Variants in SAMMSON observed in about 807,000 individuals in gnomAD.
SAMMSON encodes long intergenic non-protein coding RNA 1212.
chr3:70,348,345 A>T (rs1702767962), intron 7 of SAMMSON, among the ~76,000 whole-genome samples: 2 of 152,180 alleles, frequency 1.3e-5, no homozygotes, highest in Admixed American at 6.5e-5. Flanking sequence ...AACTACACAG[A>T]CTTAGCTTAA....
intron 4 of SAMMSON, among the ~76,000 whole-genome samples, chr3:70,128,411 C>T (rs1033005997): frequency 6.6e-6 from 1 of 152,132 alleles, no homozygotes; most frequent in South Asian, 2.1e-4. Context: ...ACTTCACAGA[C>T]CCTGCTTGGA....
chr3:70,047,227 G>T (rs1360239568), intron 3 of SAMMSON, among the ~76,000 whole-genome samples: 2 of 151,924 alleles, frequency 1.3e-5, no homozygotes, highest in Admixed American at 6.6e-5. Context: ...TTGGGCTAAC[G>T]AATGAATGAA....
At chr3:70,183,635 TAC>T (rs1289428451) in intron 4 of SAMMSON, 13 of 152,316 alleles carry the variant, frequency 8.5e-5, no homozygotes, top group Admixed American at 3.9e-4. Context: ...TCTGAACAAA[TAC>T]AGTGTCCCCT....
At chr3:70,378,939 G>A (rs1703042652) in intron 9 of SAMMSON, among the ~76,000 whole-genome samples, 1 of 151,870 alleles carries the variant, frequency 6.6e-6, no homozygotes, top group Non-Finnish European at 1.5e-5. Flanking sequence ...TTTAGGATAA[G>A]TATAAGTATG....
At chr3:70,200,297 C>A (rs949459285) in intron 4 of SAMMSON, among the ~76,000 whole-genome samples, 1 of 152,174 alleles carries the variant, frequency 6.6e-6, no homozygotes, top group African/African-American at 2.4e-5. Context: ...ACAACTCACT[C>A]TCCCCTTAGA....
chr3:70,288,495 G>C (rs1310720209), intron 6 of SAMMSON, among the ~76,000 whole-genome samples: 1 of 150,606 alleles, frequency 6.6e-6, no homozygotes, highest in Non-Finnish European at 1.5e-5. Context: ...GGTCAATTTT[G>C]GAATAGGTGT....
intron 7 of SAMMSON, among the ~76,000 whole-genome samples, chr3:70,347,203 T>A (rs984143859): frequency 1.3e-5 from 2 of 152,216 alleles, no homozygotes; most frequent in African/African-American, 4.8e-5. Flanking sequence ...CTATAAGCAG[T>A]GGCAAGTACA....
chr3:70,013,335 A>G (rs1161241340), intron 2 of SAMMSON, among the ~76,000 whole-genome samples: 1 of 152,136 alleles, frequency 6.6e-6, no homozygotes, highest in East Asian at 1.9e-4. Context: ...AAAGGTTGTT[A>G]TGAGGAGTAA....
At chr3:70,421,426 G>C (rs961657885) in intron 2 of SAMMSON, among the ~76,000 whole-genome samples, 1 of 151,980 alleles carries the variant, frequency 6.6e-6, no homozygotes, top group Non-Finnish European at 1.5e-5. Context: ...AATTGATATA[G>C]AAAAGCTAGA....
At chr3:70,343,990 T>G (rs1228470767) in intron 7 of SAMMSON, among the ~76,000 whole-genome samples, 1 of 151,880 alleles carries the variant, frequency 6.6e-6, no homozygotes, top group Non-Finnish European at 1.5e-5. Context: ...GCTTTTTCAG[T>G]TGGTTCCCAT....
chr3:70,180,006 G>A lies in SAMMSON; in HGVS notation n.508-69101G>A, dbSNP rs1291613684. ...TTATTATTTTACCTGTGCTTCGTAT[G>A]TGTGTGTGTGTGTGTGTGTGTGCGC... On this transcript the variant is annotated intron_variant and non_coding_transcript_variant, in intron 4 of 9. Transcript: ENST00000642114. 7.4e-4 allele frequency among the ~76,000 whole-genome samples: 4 copies of A among 5,442 alleles called. No homozygotes were observed. In the African/African-American group the frequency reaches 0.011, roughly 16 times the overall value. The allele number at this position is 5,442 out of a possible 152,430, so 3.6% of individuals were successfully genotyped here. A position where few individuals can be genotyped will look rare whatever the true frequency, so the allele number is the denominator to read the frequency against.
At chr3:70,030,623 A>G (rs920006950) in intron 3 of SAMMSON, 73 of 152,310 alleles carry the variant, frequency 4.8e-4, no homozygotes, top group African/African-American at 1.6e-3. Context: ...AATGAACTCC[A>G]TAGGTCTGTA....
At chr3:70,199,192 G>T (rs1390810727) in intron 4 of SAMMSON, among the ~76,000 whole-genome samples, 1 of 152,182 alleles carries the variant, frequency 6.6e-6, no homozygotes, top group Non-Finnish European at 1.5e-5. Context: ...GGGTGGGAAT[G>T]CAGGTGACCT....
chr3:70,145,867 A>T lies in SAMMSON; in HGVS notation n.507+74302A>T, dbSNP rs185165133. Among the ~76,000 whole-genome samples the T allele has an allele frequency of 9.6e-3, 1,459 of 152,056 alleles. 17 individuals are homozygous for T. Among genetic ancestry groups the T allele is most frequent in the African/African-American group, 0.033 (1,369 of 41,560 alleles). On this transcript the variant is annotated intron_variant and non_coding_transcript_variant, in intron 4 of 9. Coordinates refer to ENST00000642114, the Ensembl canonical transcript of SAMMSON. The stretch of plus-strand genomic sequence containing the variant: ...AAGATAGGAGAAATCAATGAAATTT[A>T]AAAAATAGAAATAAAATTAAAAAAT...
chr3:70,096,744 A>G (rs138305955), intron 4 of SAMMSON, among the ~76,000 whole-genome samples: 21 of 152,300 alleles, frequency 1.4e-4, no homozygotes, highest in Admixed American at 3.3e-4. Flanking sequence ...TAATTAGTTA[A>G]TTAACAGCAA....
chr3:70,095,347 C>T (rs2067319425), intron 4 of SAMMSON, among the ~76,000 whole-genome samples: 1 of 152,136 alleles, frequency 6.6e-6, no homozygotes, highest in South Asian at 2.1e-4. Context: ...TGCTCATTTG[C>T]TTCTCAGGGC....
At chr3:70,153,645 A>C (rs1641386319) in intron 4 of SAMMSON, among the ~76,000 whole-genome samples, 1 of 152,016 alleles carries the variant, frequency 6.6e-6, no homozygotes, top group South Asian at 2.1e-4. Flanking sequence ...AACTATATTA[A>C]ATATATTCTA....
chr3:70,183,119 A>G (rs1196800033), intron 4 of SAMMSON, among the ~76,000 whole-genome samples: 1 of 152,210 alleles, frequency 6.6e-6, no homozygotes, highest in African/African-American at 2.4e-5. Context: ...GGTGCTTCCC[A>G]TGAACTTTCT....
chr3:70,163,082 T>A (rs2067622619), intron 4 of SAMMSON, among the ~76,000 whole-genome samples: 1 of 151,716 alleles, frequency 6.6e-6, no homozygotes, highest in African/African-American at 2.4e-5. Context: ...AATCCTTTTT[T>A]TTCATTATCT....
Sources: gnomAD v4.1 joint callset for allele counts (sites outside exome capture counted in the v4.1 genomes callset) on GRCh38, gnomAD v4.1.1 for gene constraint, MANE v1.5 for transcripts, NCBI Gene and HGNC (gene_info 2026-07-23, HGNC 2026-07-21) for gene names.